CACNA1C: variants seen among roughly 807,000 people sequenced by gnomAD.
The protein encoded by CACNA1C is calcium voltage-gated channel subunit alpha1 C.
Under a neutral mutation model 229.0 loss-of-function variants are expected in CACNA1C, and 30 were observed. That is an observed-to-expected ratio of 0.13 (90% CI 0.10 to 0.18). CACNA1C has a LOEUF of 0.18. CACNA1C is among the 10% of genes least tolerant of loss of function. CACNA1C has a pLI of 1.00. For missense variants in CACNA1C, 1,658 were observed against 2,845.0 expected, an observed-to-expected ratio of 0.58 and a Z score of 9.49; for synonymous variants, 1,114 against 1,132.5, an observed-to-expected ratio of 0.98 and a Z score of 0.33.
chr12:2,071,725 C>A (rs117492792), intron 1 of CACNA1C, among the ~76,000 whole-genome samples: 2,580 of 152,300 alleles, frequency 0.017, 45 homozygotes, highest in South Asian at 0.079. Flanking sequence ...CAGTTTCCCC[C>A]TCATTTGTAT....
intron 29 of CACNA1C, chr12:2,614,244 T>TTG (rs757076661): frequency 1.3e-5 from 2 of 152,262 alleles, no homozygotes; most frequent in Non-Finnish European, 2.9e-5. Flanking sequence ...TGGGGCAAGA[T>TTG]AACAGAGACT....
chr12:2,565,878 G>T (rs991016036), intron 11 of CACNA1C, among the ~76,000 whole-genome samples: 2 of 152,168 alleles, frequency 1.3e-5, no homozygotes, highest in East Asian at 3.9e-4. Flanking sequence ...AGAAAACTAC[G>T]GATGGCTCTG....
rs11836798 is a variant in CACNA1C at position 2,240,278 on chromosome 12, A to G, written c.477+119848A>G. On this transcript the variant is annotated intron_variant, in intron 3 of 46. Transcript: ENST00000399655. ...CTTGCTCCCCTTCTTGCTGGAGTTA[A>G]AGGTGGATGCTGGTTGCAGACATTT... Among the ~76,000 whole-genome samples the G allele has an allele frequency of 9.7e-3, 1,472 of 152,336 alleles. 26 individuals carry two copies. The highest frequency in any genetic ancestry group is 0.034 in the African/African-American group (1,409 of 41,560).
rs1194222783 is a variant in CACNA1C, at chr12:2,666,529, A to G, written c.4527-157A>G. The stretch of plus-strand genomic sequence containing the variant: ...TATTGGTTTGGGGCTGTGTCATGCA[A>G]TTCTGCAACTCTGTACTGAGTGTGA... On this transcript the variant is annotated intron_variant, in intron 36 of 46. Transcript: ENST00000399655. The surrounding 1 kb of genome is among the most constrained non-coding windows in gnomAD (Gnocchi z 5.3). 6 of 558,642 alleles carry G rather than the reference A, an allele frequency of 1.1e-5. No homozygotes were observed. Among genetic ancestry groups the G allele is most frequent in the Non-Finnish European group, 1.6e-5 (5 of 310,886 alleles). The allele number at this position is 558,642 out of a possible 1,614,324, so 34.6% of individuals were successfully genotyped here.
At chr12:2,439,940 G>C (rs2099202397) in intron 3 of CACNA1C, among the ~76,000 whole-genome samples, 1 of 152,192 alleles carries the variant, frequency 6.6e-6, no homozygotes, top group East Asian at 1.9e-4. Flanking sequence ...AGCAGAGGCT[G>C]CTGCAGAAGA....
chr12:2,368,483 T>C (rs1044183535), intron 3 of CACNA1C, among the ~76,000 whole-genome samples: 1 of 152,130 alleles, frequency 6.6e-6, no homozygotes, highest in Non-Finnish European at 1.5e-5. Context: ...GTACCAAAAA[T>C]GACCATCTGG....
chr12:2,278,482 T>C (rs2089821751), intron 3 of CACNA1C, among the ~76,000 whole-genome samples: 1 of 152,216 alleles, frequency 6.6e-6, no homozygotes, highest in African/African-American at 2.4e-5. Flanking sequence ...TATTGTTTTA[T>C]ATCAATGAAG....
intron 3 of CACNA1C, among the ~76,000 whole-genome samples, chr12:2,396,557 G>A (rs905706404): frequency 2.0e-5 from 3 of 152,170 alleles, no homozygotes; most frequent in African/African-American, 7.2e-5. Context: ...GCCCAGGCCT[G>A]TGGTCCTCCA....
chr12:2,496,111 A>G (rs2108705), intron 7 of CACNA1C, among the ~76,000 whole-genome samples: 22,189 of 152,162 alleles, frequency 0.15, 1,710 homozygotes, highest in Middle Eastern at 0.23. Context: ...CCTCAGAGCC[A>G]TTGAATTAGA....
At chr12:2,589,469 A>G (rs58087402) in intron 18 of CACNA1C, among the ~76,000 whole-genome samples, 7,753 of 152,300 alleles carry the variant, frequency 0.051, 683 homozygotes, top group African/African-American at 0.18. Flanking sequence ...AGTCTCTTAC[A>G]GGGATGCACT....
At chr12:2,656,464 A>G (rs956528292) in intron 34 of CACNA1C, among the ~76,000 whole-genome samples, 3 of 152,248 alleles carry the variant, frequency 2.0e-5, no homozygotes, top group African/African-American at 7.2e-5. Context: ...TCTTGTGTTC[A>G]TGGATTGGAA....
At chr12:2,561,633 C>T (rs570176757) in intron 11 of CACNA1C, among the ~76,000 whole-genome samples, 1 of 152,310 alleles carries the variant, frequency 6.6e-6, no homozygotes, top group African/African-American at 2.4e-5. Flanking sequence ...TTTCCGGTAG[C>T]TGGGAGGACT....
chr12:2,015,374 G>A (rs2045178337), intron 1 of CACNA1C, among the ~76,000 whole-genome samples: 1 of 152,212 alleles, frequency 6.6e-6, no homozygotes, highest in African/African-American at 2.4e-5. Flanking sequence ...GGGGAAAGCT[G>A]TCTGGAGTCA....
Position 2,692,100 on chromosome 12 carries a change from G to A in CACNA1C, c.*901G>A, listed in dbSNP as rs1305106262. The A allele has an allele frequency of 2.6e-5, 4 of 152,190 alleles. No homozygotes were observed. The highest frequency in any genetic ancestry group is 5.9e-5 in the Non-Finnish European group (4 of 68,040). 9.4% of individuals were successfully genotyped at this position (152,190 alleles called of 1,614,324 possible). A position where few individuals can be genotyped will look rare whatever the true frequency, so the allele number is the denominator to read the frequency against. On this transcript the variant is annotated 3_prime_UTR_variant, in exon 47 of 47. Transcript: ENST00000399655. ...TTGGTTTTCTTGTATTATTTAAACGGTTGTGGTTTCCTTTTTCCACGGAGG... is the reference window on the plus strand; with the variant it reads ...TTGGTTTTCTTGTATTATTTAAACGATTGTGGTTTCCTTTTTCCACGGAGG...
chr12:2,450,262 A>G (rs2099348240), intron 4 of CACNA1C, among the ~76,000 whole-genome samples: 1 of 152,132 alleles, frequency 6.6e-6, no homozygotes, highest in Admixed American at 6.6e-5. Context: ...AAGTTATTAA[A>G]ATGCAGGTGA....
intron 1 of CACNA1C, among the ~76,000 whole-genome samples, chr12:2,044,468 G>A (rs73601580): frequency 0.051 from 7,808 of 152,272 alleles, 230 homozygotes; most frequent in East Asian, 0.068. Flanking sequence ...GTGGTGATTA[G>A]TTGTAACTTC....
At chr12:2,050,494 G>A (rs1196927186), upstream of CACNA1C, among the ~76,000 whole-genome samples, 1 of 152,182 alleles carries the variant, frequency 6.6e-6, no homozygotes, top group Non-Finnish European at 1.5e-5. Flanking sequence ...CTGCACTTGT[G>A]TGTAAAGGGG....
rs576577722 is a variant in CACNA1C, at chr12:2,637,045, G to A, written c.3912+2665G>A. ...CTCTCCCACACAACTGATGGCTTCC[G>A]AACCAAAAGAACAAACATAACATCC... On this transcript the variant is annotated intron_variant, in intron 30 of 46. Coordinates refer to ENST00000399655, the MANE Select transcript of CACNA1C (RefSeq NM_000719.7). 1.2e-4 allele frequency among the ~76,000 whole-genome samples: 19 copies of A among 152,308 alleles called. No homozygotes were observed. In the South Asian group the frequency reaches 1.9e-3, roughly 15 times the overall value.
intron 3 of CACNA1C, among the ~76,000 whole-genome samples, chr12:2,425,663 A>G (rs1203817924): frequency 1.3e-5 from 2 of 152,176 alleles, no homozygotes; most frequent in Non-Finnish European, 2.9e-5. Context: ...GTGGCTTTAA[A>G]TGCACTTACC....
Sources: allele counts gnomAD v4.1 joint callset (sites outside exome capture counted in the v4.1 genomes callset), GRCh38; gene constraint gnomAD v4.1.1; non-coding constraint Gnocchi (gnomAD v3.1); transcripts MANE v1.5; gene names NCBI Gene and HGNC (gene_info 2026-07-23, HGNC 2026-07-21).